Variants in PYHIN1 observed in about 807,000 individuals in gnomAD.
PYHIN1 encodes the protein pyrin and HIN domain family member 1, also known as pyrin and HIN domain-containing protein 1.
In PYHIN1, 32 loss-of-function variants were observed where a neutral mutation model predicts 43.7. That is an observed-to-expected ratio of 0.73 (90% confidence interval 0.55 to 0.98). The LOEUF (loss-of-function observed/expected upper bound fraction) is 0.98, where lower values mean the gene tolerates loss of function less well. Among genes scored for constraint, PYHIN1 ranks in the 50% least tolerant of loss-of-function variants. PYHIN1 has a pLI of 0.00. For missense variants in PYHIN1, 588 were observed against 589.5 expected (o/e 1.00, Z 0.03); for synonymous variants, 205 against 203.1 (o/e 1.01, Z -0.08).
At chr1:158,958,593 C>A (rs1361690428) in intron 7 of PYHIN1, among the ~76,000 whole-genome samples, 9 of 111,164 alleles carry the variant, frequency 8.1e-5, no homozygotes, top group Non-Finnish European at 1.2e-4. Flanking sequence ...ATATCACACT[C>A]TGGGGACTGT....
intron 7 of PYHIN1, among the ~76,000 whole-genome samples, chr1:158,955,194 G>A (rs922313642): frequency 2.6e-5 from 4 of 152,218 alleles, no homozygotes; most frequent in South Asian, 2.1e-4. Flanking sequence ...ACAGATCAAT[G>A]AGACAGAAAG....
At chr1:158,938,300 C>A (rs1648685700) in intron 2 of PYHIN1, 97 bp from the exon 3 acceptor site, 1 of 1,313,800 alleles carries the variant, frequency 7.6e-7, no homozygotes, top group Non-Finnish European at 1.1e-6. Context: ...ACACCTGAAC[C>A]CTCAAGCAGG....
At chr1:158,959,255 G>A (rs1650179390) in intron 7 of PYHIN1, among the ~76,000 whole-genome samples, 1 of 152,124 alleles carries the variant, frequency 6.6e-6, no homozygotes, top group Admixed American at 6.5e-5. Flanking sequence ...GCCCCTCAAA[G>A]ACACCAAGGA....
the PYHIN1 span, among the ~76,000 whole-genome samples, chr1:158,990,337 CCTTT>C: frequency 5.3e-5 from 8 of 151,672 alleles, no homozygotes; most frequent in Admixed American, 2.0e-4. Context: ...TCTGTTGTGA[CCTTT>C]CTTTTTGGGA....
chr1:158,976,868 CTATATATATA>C lies in PYHIN1; in HGVS notation c.*212_*221del, dbSNP rs145640162. On this transcript the variant is annotated 3_prime_UTR_variant, in exon 9 of 9. Transcript: ENST00000368140. ...TATGTATATATATCTGGTTGAAATA[CTATATATATA>C]TATATATATATATATATATATATAT... 2.1e-3 allele frequency: 495 copies of C among 231,924 alleles called. 7 individuals carry two copies. The highest frequency in any genetic ancestry group is 0.014 in the African/African-American group (465 of 34,308). 14.4% of individuals were successfully genotyped at this position (231,924 alleles called of 1,614,324 possible).
At chr1:158,988,921 T>C in the PYHIN1 span, among the ~76,000 whole-genome samples, 1 of 152,218 alleles carries the variant, frequency 6.6e-6, no homozygotes, top group Non-Finnish European at 1.5e-5. Flanking sequence ...CTCAGGTATA[T>C]GACAAGTGGA....
the PYHIN1 span, among the ~76,000 whole-genome samples, chr1:158,982,699 G>A: frequency 6.6e-6 from 1 of 152,136 alleles, no homozygotes; most frequent in Non-Finnish European, 1.5e-5. Flanking sequence ...AGTTTGATCA[G>A]AATAACATTG....
At chr1:158,953,037 T>C (rs1027580135) in intron 7 of PYHIN1, among the ~76,000 whole-genome samples, 1 of 152,192 alleles carries the variant, frequency 6.6e-6, no homozygotes, top group Admixed American at 6.5e-5. Context: ...ATATTGCGCT[T>C]TTCGGACCGG....
the PYHIN1 span, among the ~76,000 whole-genome samples, chr1:158,986,276 C>T: frequency 1.2e-4 from 19 of 152,076 alleles, no homozygotes; most frequent in Non-Finnish European, 2.5e-4. Flanking sequence ...GGATGGGGCT[C>T]TTTTATTTTA....
intron 7 of PYHIN1, among the ~76,000 whole-genome samples, chr1:158,952,723 T>C (rs1649631418): frequency 6.6e-6 from 1 of 152,140 alleles, no homozygotes; most frequent in African/African-American, 2.4e-5. Context: ...AGCATAATGT[T>C]GTTTAAGATT....
intron 6 of PYHIN1, 151 bp downstream of exon 6, chr1:158,944,129 G>A (rs1649086255): frequency 2.2e-6 from 1 of 451,062 alleles, no homozygotes; most frequent in Non-Finnish European, 3.9e-6. Context: ...TTTAAATAGA[G>A]AAAATTATTA....
intron 7 of PYHIN1, chr1:158,945,444 A>G (rs1325561372): frequency 6.5e-6 from 1 of 154,148 alleles, no homozygotes; most frequent in Non-Finnish European, 1.4e-5. Context: ...TTCGAAGTAT[A>G]TATTTGGAAA....
chr1:158,931,876 G>A (rs1648183559), intron 1 of PYHIN1, 100 bp downstream of exon 1: 1 of 152,176 alleles, frequency 6.6e-6, no homozygotes, highest in Non-Finnish European at 1.5e-5. Flanking sequence ...CAGGGCAGTG[G>A]GGTGAGGGCA....
At chr1:158,961,530 G>A (rs1032548176) in intron 7 of PYHIN1, among the ~76,000 whole-genome samples, 1 of 152,036 alleles carries the variant, frequency 6.6e-6, no homozygotes, top group African/African-American at 2.4e-5. Flanking sequence ...GAGATCCACC[G>A]AGAAAACAAC....
chr1:158,937,275 C>A, intron 2 of PYHIN1, 100 bp downstream of exon 2: 1 of 1,286,756 alleles, frequency 7.8e-7, no homozygotes, highest in Non-Finnish European at 1.1e-6. Flanking sequence ...ATCCTTTTCC[C>A]AATTTGTGAC....
chr1:158,953,485 G>A (rs2101686736), intron 7 of PYHIN1, among the ~76,000 whole-genome samples: 1 of 150,326 alleles, frequency 6.7e-6, no homozygotes, highest in Admixed American at 6.6e-5. Flanking sequence ...CCCCCAGCAG[G>A]GGCACACTGA....
the PYHIN1 span, among the ~76,000 whole-genome samples, chr1:158,983,268 T>C: frequency 2.0e-5 from 3 of 152,148 alleles, no homozygotes; most frequent in Admixed American, 6.6e-5. Flanking sequence ...TGTGATATGA[T>C]GTTGGCTGTG....
chr1:158,941,370 T>A (rs1648899999), intron 4 of PYHIN1, among the ~76,000 whole-genome samples: 1 of 152,110 alleles, frequency 6.6e-6, no homozygotes. Context: ...ACTGCAATGG[T>A]GGTAATGACA....
chr1:158,968,910 A>G (rs1312769400), intron 7 of PYHIN1, among the ~76,000 whole-genome samples: 1 of 151,710 alleles, frequency 6.6e-6, no homozygotes, highest in Non-Finnish European at 1.5e-5. Context: ...GGAGGATGGG[A>G]AGAGGGAGAG....
Sources: gnomAD v4.1 joint callset for allele counts (sites outside exome capture counted in the v4.1 genomes callset) on GRCh38, gnomAD v4.1.1 for gene constraint, MANE v1.5 for transcripts, NCBI Gene and HGNC (gene_info 2026-07-23, HGNC 2026-07-21) for gene names.